Variants in NCOA1 observed in about 807,000 individuals in gnomAD.
NCOA1 encodes the protein nuclear receptor coactivator 1.
A neutral mutation model predicts 150.9 loss-of-function variants in NCOA1; 35 were observed. That is an observed-to-expected ratio of 0.23 (90% CI 0.18 to 0.31). NCOA1 has a LOEUF of 0.31. NCOA1 is among the 10% of genes least tolerant of loss of function. The probability of loss-of-function intolerance (pLI) is 1.00; values close to 1 mark genes in which losing one functional copy is unlikely to be tolerated. For missense variants in NCOA1, 1,491 were observed against 1,749.3 expected (o/e 0.85, Z 2.63); for synonymous variants, 590 against 630.0 (o/e 0.94, Z 0.95).
At chr2:24,671,864 C>T (rs1671700459) in intron 6 of NCOA1, among the ~76,000 whole-genome samples, 1 of 152,066 alleles carries the variant, frequency 6.6e-6, no homozygotes, top group African/African-American at 2.4e-5. Flanking sequence ...TTGCCTGGCC[C>T]ATGTACTTTT....
chr2:24,500,089 G>A (rs528170920), intron 1 of NCOA1, among the ~76,000 whole-genome samples: 13 of 152,190 alleles, frequency 8.5e-5, no homozygotes, highest in Middle Eastern at 6.8e-3. Context: ...TTTTAGCCCG[G>A]TAGTTTCTTT....
chr2:24,497,763 T>A (rs1423227869), intron 1 of NCOA1, among the ~76,000 whole-genome samples: 1 of 152,246 alleles, frequency 6.6e-6, no homozygotes, highest in East Asian at 1.9e-4. Flanking sequence ...GGTAAGGTTA[T>A]CTTTGGTTGG....
At chr2:24,721,134 T>C (rs1014453124) in intron 14 of NCOA1, among the ~76,000 whole-genome samples, 1 of 152,236 alleles carries the variant, frequency 6.6e-6, no homozygotes, top group Non-Finnish European at 1.5e-5. Context: ...TCTTCAGCTA[T>C]GTCCATCCTG....
At position 24,769,028 on chromosome 2, in the gene NCOA1, A is replaced by C. The variant is rs981308112; in HGVS notation, c.*637A>C. The stretch of plus-strand genomic sequence containing the variant: ...CTCCAGGAAAGAGGACGAAATGAGT[A>C]TATTCACAGAGGAATCCAAAAAATA... On this transcript the variant is annotated 3_prime_UTR_variant, in exon 23 of 23. Transcript: ENST00000348332. 3 of 213,488 alleles carry C rather than the reference A, an allele frequency of 1.4e-5. No homozygotes were observed. Among genetic ancestry groups the C allele is most frequent in the Non-Finnish European group, 2.8e-5 (3 of 105,438 alleles). 13.2% of individuals were successfully genotyped at this position (213,488 alleles called of 1,614,324 possible).
rs1663639291 is a variant in NCOA1, at chr2:24,742,192, A to G, written c.3706+6A>G. The G allele has an allele frequency of 1.9e-6, 3 of 1,603,806 alleles. No homozygotes were observed. The highest frequency in any genetic ancestry group is 2.6e-6 in the Non-Finnish European group (3 of 1,174,790). On this transcript the variant is annotated splice_donor_region_variant and intron_variant, in intron 19 of 22. Coordinates refer to ENST00000348332, the MANE Select transcript of NCOA1 (RefSeq NM_003743.5). ...CTTCCAGTATCCAGGAGCAGGTAGG[A>G]AGGTCACAACTTTATGTTGTTCTAA... is the stretch of plus-strand genomic sequence containing the variant.
intron 3 of NCOA1, among the ~76,000 whole-genome samples, chr2:24,598,093 A>AT (rs1667956347): frequency 6.6e-6 from 1 of 152,118 alleles, no homozygotes; most frequent in Non-Finnish European, 1.5e-5. Flanking sequence ...CCATGTCCCT[A>AT]CAAAGGACAT....
intron 14 of NCOA1, among the ~76,000 whole-genome samples, chr2:24,717,441 C>T (rs1257232004): frequency 6.6e-6 from 1 of 152,158 alleles, no homozygotes; most frequent in Non-Finnish European, 1.5e-5. Context: ...AAAGGCAAAG[C>T]TGTGGAGACA....
intron 1 of NCOA1, among the ~76,000 whole-genome samples, chr2:24,551,438 G>A (rs148441422): frequency 2.6e-4 from 40 of 151,930 alleles, no homozygotes; most frequent in Admixed American, 9.8e-4. Context: ...ACTATCTTTT[G>A]AACAGCAAAA....
At chr2:24,562,378 C>G (rs1409227409) in intron 1 of NCOA1, among the ~76,000 whole-genome samples, 1 of 152,140 alleles carries the variant, frequency 6.6e-6, no homozygotes, top group Non-Finnish European at 1.5e-5. Flanking sequence ...ATGCAAATAT[C>G]CCCAAATCCA....
chr2:24,698,938 C>T (rs1164119832), intron 11 of NCOA1, among the ~76,000 whole-genome samples: 2 of 152,114 alleles, frequency 1.3e-5, no homozygotes, highest in African/African-American at 2.4e-5. Context: ...GGAACAGCTT[C>T]GTACAGACTA....
At chr2:24,651,858 TA>T (rs1384324734) in intron 4 of NCOA1, among the ~76,000 whole-genome samples, 1 of 152,100 alleles carries the variant, frequency 6.6e-6, no homozygotes, top group Non-Finnish European at 1.5e-5. Flanking sequence ...AGGATGGCTG[TA>T]ATTTTTTAAA....
At chr2:24,563,210 A>G (rs1394545613) in intron 1 of NCOA1, among the ~76,000 whole-genome samples, 1 of 152,320 alleles carries the variant, frequency 6.6e-6, no homozygotes, top group Non-Finnish European at 1.5e-5. Flanking sequence ...GGAAAAGGTT[A>G]GAAGCAAGGG....
chr2:24,597,671 A>G (rs1233106844), intron 3 of NCOA1, among the ~76,000 whole-genome samples: 2 of 152,154 alleles, frequency 1.3e-5, no homozygotes, highest in African/African-American at 4.8e-5. Flanking sequence ...TTCCTTGGGC[A>G]ACCTCAGTCT....
At chr2:24,554,702 A>G (rs1665998344) in intron 1 of NCOA1, 1 of 152,136 alleles carries the variant, frequency 6.6e-6, no homozygotes, top group African/African-American at 2.4e-5. Flanking sequence ...CATGGCCAAC[A>G]TAGCCAGCAA....
At chr2:24,549,640 C>T (rs970721760) in intron 1 of NCOA1, among the ~76,000 whole-genome samples, 5 of 152,344 alleles carry the variant, frequency 3.3e-5, no homozygotes, top group East Asian at 1.9e-4. Flanking sequence ...AATCTGGGCT[C>T]ACTGCAAGCT....
At chr2:24,739,368 C>A in intron 17 of NCOA1, 64 bp from the exon 18 acceptor site, 2 of 1,174,882 alleles carry the variant, frequency 1.7e-6, no homozygotes, top group Non-Finnish European at 2.5e-6. Flanking sequence ...GTTTGTGTTA[C>A]TTTATAAGGC....
chr2:24,527,983 T>C (rs1257886098), intron 1 of NCOA1, among the ~76,000 whole-genome samples: 1 of 152,220 alleles, frequency 6.6e-6, no homozygotes, highest in Non-Finnish European at 1.5e-5. Flanking sequence ...AAATGTCTTT[T>C]GAGGTCCTTT....
chr2:24,769,930 A>G lies in NCOA1; in HGVS notation c.*1539A>G, dbSNP rs924598091. On this transcript the variant is annotated 3_prime_UTR_variant, in exon 23 of 23. Coordinates refer to ENST00000348332, the MANE Select transcript of NCOA1 (RefSeq NM_003743.5). ...CTACCTCTGCCTCCATGGCAGAGAA[A>G]AGGCCATAAGAACAGTGGAAGAGGA... 1 of 227,272 alleles carries G rather than the reference A, an allele frequency of 4.4e-6. No homozygotes were observed. 14.1% of individuals were successfully genotyped at this position (227,272 alleles called of 1,614,324 possible). A position where few individuals can be genotyped will look rare whatever the true frequency, so the allele number is the denominator to read the frequency against.
intron 6 of NCOA1, among the ~76,000 whole-genome samples, chr2:24,668,783 T>C (rs1174884380): frequency 2.8e-5 from 4 of 140,534 alleles, no homozygotes; most frequent in East Asian, 2.1e-4. Context: ...TAGAGGACTC[T>C]AGGGAACATT....
Sources: allele counts gnomAD v4.1 joint callset (sites outside exome capture counted in the v4.1 genomes callset), GRCh38; gene constraint gnomAD v4.1.1; transcripts MANE v1.5; gene names NCBI Gene and HGNC (gene_info 2026-07-23, HGNC 2026-07-21).